The following AHI1 variants were observed in gnomAD, a reference collection of about 807,000 sequenced individuals.
AHI1 encodes Abelson helper integration site 1, also known as jouberin.
AHI1 carries 123 observed loss-of-function variants against 149.3 expected under a neutral mutation model. The ratio of observed to expected loss-of-function variants is 0.82; its 90% confidence interval spans 0.71 to 0.96. The LOEUF (loss-of-function observed/expected upper bound fraction) is 0.96. AHI1 is among the 40% of genes least tolerant of loss of function. The pLI is 0.00. For missense variants in AHI1, 1,439 were observed against 1,422.7 expected (o/e 1.01, Z -0.18); for synonymous variants, 475 against 459.8 (o/e 1.03, Z -0.42).
At chr6:135,295,854 T>G (rs1783017009) in intron 27 of AHI1, among the ~76,000 whole-genome samples, 2 of 152,198 alleles carry the variant, frequency 1.3e-5, no homozygotes, top group African/African-American at 2.4e-5. Context: ...TTTTATTTAA[T>G]TTCATTTTAT....
At chr6:135,303,636 C>T (rs1392622703) in intron 26 of AHI1, among the ~76,000 whole-genome samples, 1 of 151,650 alleles carries the variant, frequency 6.6e-6, no homozygotes, top group Non-Finnish European at 1.5e-5. Context: ...ATTTTACAGA[C>T]CAGGAATTGG....
At chr6:135,476,789 G>A (rs1792722547) in intron 5 of AHI1, among the ~76,000 whole-genome samples, 1 of 151,802 alleles carries the variant, frequency 6.6e-6, no homozygotes, top group Non-Finnish European at 1.5e-5. Flanking sequence ...AACAACTCCA[G>A]TTTTCTTTTT....
At chr6:135,326,388 T>C (rs1167520431) in intron 24 of AHI1, among the ~76,000 whole-genome samples, 5 of 152,334 alleles carry the variant, frequency 3.3e-5, no homozygotes, top group Middle Eastern at 6.8e-3. Flanking sequence ...CTTGGTCTTC[T>C]AGCCTCCAGA....
Position 135,353,945 on chromosome 6 carries a change from T to C in AHI1, c.3165+4187A>G, listed in dbSNP as rs1362715628. On this transcript the variant is annotated intron_variant, in intron 24 of 28. Coordinates refer to ENST00000265602, the MANE Select transcript of AHI1 (RefSeq NM_001134831.2). ...AAATTGGTCTTATAAATATGAAGAATAATGAATCAACATTTAAATTTCCAA... is the reference window on the plus strand; with the variant it reads ...AAATTGGTCTTATAAATATGAAGAACAATGAATCAACATTTAAATTTCCAA... Among the ~76,000 whole-genome samples the C allele has an allele frequency of 2.0e-5, 3 of 152,150 alleles. No homozygotes were observed. The East Asian group carries it at 5.8e-4, about 29-fold the overall frequency.
chr6:135,433,000 G>T, intron 16 of AHI1, 27 bp downstream of exon 16: 1 of 1,543,490 alleles, frequency 6.5e-7, no homozygotes, highest in Non-Finnish European at 9.0e-7. Flanking sequence ...TCACATAGCT[G>T]GTCTTCATTC....
In AHI1 at chr6:135,485,210, A is replaced by G. The variant is rs535056960; in HGVS notation, c.135+5413T>C. 7.9e-5 allele frequency among the ~76,000 whole-genome samples: 12 copies of G among 152,074 alleles called. No homozygotes were observed. The East Asian group carries it at 1.5e-3, about 20-fold the overall frequency. The stretch of plus-strand genomic sequence containing the variant: ...TGCCTCAGCCACTCAAGTAGCTGGG[A>G]TAACAGGTACACAACATCATGCCTG... On this transcript the variant is annotated intron_variant, in intron 5 of 28. Transcript: ENST00000265602.
intron 26 of AHI1, chr6:135,300,815 CCAA>C: frequency 1.0e-6 from 1 of 964,126 alleles, no homozygotes; most frequent in Non-Finnish European, 1.2e-6. Context: ...AGGTATGTGA[CCAA>C]AAAAAAAAAA....
chr6:135,318,616 G>A lies in AHI1; in HGVS notation c.3329C>T (p.Thr1110Ile), dbSNP rs891027780. Residue 1110 changes from threonine to isoleucine, a missense_variant and splice_region_variant, in exon 26 of 29, where the codon ACA (threonine) becomes ATA (isoleucine). Thr to Ile is a moderately conservative substitution (Grantham distance 89). Transcript: ENST00000265602. ...CTCAGGAGGCAGTTCTTGATACAGT[G>A]CTGAAATTGGAAAAAGGAATTCATG... ...YFPANHVASETLYQELPPEIK... is the reference protein window; with the variant it reads ...YFPANHVASEILYQELPPEIK... The A allele has an allele frequency of 3.4e-5, 54 of 1,590,256 alleles. No homozygotes were observed. The highest frequency in any genetic ancestry group is 4.6e-5 in the Non-Finnish European group (54 of 1,167,694).
intron 27 of AHI1, among the ~76,000 whole-genome samples, chr6:135,294,323 C>CACAAAACAAA (rs1562446682): frequency 3.5e-4 from 50 of 142,566 alleles, no homozygotes; most frequent in African/African-American, 1.2e-3. Context: ...AAGACTCCAT[C>CACAAAACAAA]TCAAAACAAA....
At chr6:135,389,054 T>C (rs757745558) in intron 23 of AHI1, among the ~76,000 whole-genome samples, 16 of 151,930 alleles carry the variant, frequency 1.1e-4, no homozygotes, top group Non-Finnish European at 2.2e-4. Flanking sequence ...CTCATACCTG[T>C]AATCCCAGCA....
In AHI1 at chr6:135,496,087, T is replaced by C. The variant is rs1026668399; in HGVS notation, c.-139-189A>G. Among the ~76,000 whole-genome samples the C allele has an allele frequency of 2.6e-5, 4 of 152,124 alleles. No homozygotes were observed. The South Asian group carries it at 6.2e-4, about 24-fold the overall frequency. ...AATAAATACTAATATTATGTAATGA[T>C]AACACAGCAAATACAGTACAGAAAT... is the stretch of plus-strand genomic sequence containing the variant. On this transcript the variant is annotated intron_variant, in intron 2 of 28. Coordinates refer to ENST00000265602, the MANE Select transcript of AHI1 (RefSeq NM_001134831.2).
chr6:135,416,160 C>T (rs1782345125), intron 20 of AHI1, among the ~76,000 whole-genome samples: 1 of 151,692 alleles, frequency 6.6e-6, no homozygotes, highest in Non-Finnish European at 1.5e-5. Context: ...AAGCCATTCA[C>T]CAAAAAAAGC....
Position 135,331,918 on chromosome 6 carries a change from C to A in AHI1, c.3166-8594G>T, listed in dbSNP as rs150969943. ...ATGAATAAATGTCTTAGGTTTTAAG[C>A]CACCAAGTTTGTGGTAGTTTGCTAC... On this transcript the variant is annotated intron_variant, in intron 24 of 28. Coordinates refer to ENST00000265602, the MANE Select transcript of AHI1 (RefSeq NM_001134831.2). Among the ~76,000 whole-genome samples the A allele has an allele frequency of 3.5e-3, 538 of 152,242 alleles. 8 individuals carry two copies. The highest frequency in any genetic ancestry group is 0.023 in the East Asian group (117 of 5,184).
intron 6 of AHI1, 23 bp from the exon 7 acceptor site, chr6:135,466,396 CAA>C (rs754456181): frequency 2.5e-6 from 4 of 1,595,712 alleles, no homozygotes; most frequent in Non-Finnish European, 3.4e-6. Flanking sequence ...GACATGATAA[CAA>C]AGTTTCAGTT....
At position 135,358,289 on chromosome 6, in the gene AHI1, C is replaced by A. The variant is rs1582797058; in HGVS notation, c.3110-102G>T. 1.0e-5 allele frequency: 10 copies of A among 983,822 alleles called. No homozygotes were observed. The East Asian group carries it at 2.0e-4, about 20-fold the overall frequency. The allele number at this position is 983,822 out of a possible 1,614,324, so 60.9% of individuals were successfully genotyped here. A position where few individuals can be genotyped will look rare whatever the true frequency, so the allele number is the denominator to read the frequency against. ...TTGGAAAAACATTTATTATGACTCA[C>A]ACAGCTTCCAAGAAAAAAGTCTCAC... On this transcript the variant is annotated intron_variant, in intron 23 of 28. Coordinates refer to ENST00000265602, the MANE Select transcript of AHI1 (RefSeq NM_001134831.2).
chr6:135,433,666 G>A (rs1784975122), intron 15 of AHI1, among the ~76,000 whole-genome samples: 1 of 152,000 alleles, frequency 6.6e-6, no homozygotes, highest in East Asian at 1.9e-4. Flanking sequence ...CTTTTACAAA[G>A]TGTTTATTAA....
At chr6:135,413,220 C>T (rs571027860) in intron 20 of AHI1, among the ~76,000 whole-genome samples, 2 of 152,030 alleles carry the variant, frequency 1.3e-5, no homozygotes, top group Admixed American at 6.6e-5. Context: ...TTTCCAGCTA[C>T]TGAGGAGGCT....
At chr6:135,424,982 T>C (rs762845907) in intron 20 of AHI1, among the ~76,000 whole-genome samples, 85 of 152,008 alleles carry the variant, frequency 5.6e-4, no homozygotes, top group Non-Finnish European at 8.7e-4. Flanking sequence ...AAAACTCTAA[T>C]AGGTTGGTAA....
Position 135,490,528 on chromosome 6 carries a change from T to C in AHI1, c.135+95A>G, listed in dbSNP as rs1313515723. 5 of 1,480,832 alleles carry C rather than the reference T, an allele frequency of 3.4e-6. No individual in the cohort carries two copies. The African/African-American group carries it at 7.0e-5, about 21-fold the overall frequency. The allele number at this position is 1,480,832 out of a possible 1,614,324, so 91.7% of individuals were successfully genotyped here. ...ATGACATAGTGTTACTGTTTTTAAT[T>C]TTCAAAATTCCTTAGAATTTTAACA... On this transcript the variant is annotated intron_variant, in intron 5 of 28. Transcript: ENST00000265602.
Sources: gnomAD v4.1 joint callset for allele counts (sites outside exome capture counted in the v4.1 genomes callset) on GRCh38, gnomAD v4.1.1 for gene constraint, MANE v1.5 for transcripts, NCBI Gene and HGNC (gene_info 2026-07-23, HGNC 2026-07-21) for gene names.